TEKTL1: variants seen among roughly 807,000 people sequenced by gnomAD.
The protein encoded by TEKTL1 is tektin-like protein 1.
At chr19:15,012,934 C>CA in the TEKTL1 span, among the ~76,000 whole-genome samples, 806 of 151,980 alleles carry the variant, frequency 5.3e-3, 10 homozygotes, top group African/African-American at 0.018. Context: ...AAACTCCCCC[C>CA]CAGAATGTTA....
chr19:15,021,139 C>G, the TEKTL1 span, among the ~76,000 whole-genome samples: 1 of 152,158 alleles, frequency 6.6e-6, no homozygotes, highest in Non-Finnish European at 1.5e-5. Context: ...CCTCAGCCTC[C>G]CAAAGTGCTG....
At chr19:15,013,491 C>G in the TEKTL1 span, among the ~76,000 whole-genome samples, 2 of 152,118 alleles carry the variant, frequency 1.3e-5, no homozygotes, top group Non-Finnish European at 2.9e-5. Context: ...TCAGAGAGCC[C>G]ACTGAAAAGA....
chr19:15,011,995 C>T, the TEKTL1 span, among the ~76,000 whole-genome samples: 11 of 151,958 alleles, frequency 7.2e-5, no homozygotes, highest in Non-Finnish European at 1.5e-4. Context: ...TTGGTGCACA[C>T]CTGTAATCCC....
the TEKTL1 span, among the ~76,000 whole-genome samples, chr19:15,012,621 C>CA: frequency 6.6e-6 from 1 of 152,038 alleles, no homozygotes; most frequent in African/African-American, 2.4e-5. Context: ...CCCCAAGACC[C>CA]AAAGAGTGAG....
At chr19:15,020,408 C>T in the TEKTL1 span, 5 of 1,512,520 alleles carry the variant, frequency 3.3e-6, no homozygotes, top group Admixed American at 1.7e-5. Context: ...CTTGCATCCA[C>T]TTCCCTCAAC....
chr19:15,011,214 C>G, the TEKTL1 span: 2 of 1,477,094 alleles, frequency 1.4e-6, no homozygotes, highest in Non-Finnish European at 1.8e-6. Context: ...CACGCGCACG[C>G]GCGTGGAGCG....
the TEKTL1 span, chr19:15,022,011 C>T: frequency 2.0e-6 from 2 of 1,014,230 alleles, no homozygotes; most frequent in Admixed American, 2.2e-5. Flanking sequence ...TGATCCCCCT[C>T]TCACCCAAGT....
the TEKTL1 span, chr19:15,010,902 A>C: frequency 5.7e-6 from 9 of 1,570,180 alleles, 1 homozygote; most frequent in Middle Eastern, 1.7e-4. Context: ...GAGGCAGCTC[A>C]GGCCATGGCG....
chr19:15,023,071 G>A, the TEKTL1 span: 1 of 1,609,788 alleles, frequency 6.2e-7, no homozygotes, highest in Non-Finnish European at 8.5e-7. Flanking sequence ...TTAAGGACTG[G>A]GACCCGCGCA....
the TEKTL1 span, among the ~76,000 whole-genome samples, chr19:15,014,768 T>C: frequency 2.1e-5 from 3 of 146,314 alleles, no homozygotes; most frequent in South Asian, 6.8e-4. Flanking sequence ...TCCGTGGTGC[T>C]GAATCGGAAT....
At chr19:15,012,415 AAT>A in the TEKTL1 span, among the ~76,000 whole-genome samples, 1 of 152,154 alleles carries the variant, frequency 6.6e-6, no homozygotes, top group Non-Finnish European at 1.5e-5. Context: ...GTTTAAAAAA[AAT>A]AGTCAGGCAT....
At chr19:15,012,540 A>C in the TEKTL1 span, among the ~76,000 whole-genome samples, 1 of 147,552 alleles carries the variant, frequency 6.8e-6, no homozygotes, top group East Asian at 2.0e-4. Flanking sequence ...TCAGCCTAGG[A>C]GATAGTGAGA....
the TEKTL1 span, chr19:15,021,935 C>T: frequency 6.3e-7 from 1 of 1,597,642 alleles, no homozygotes; most frequent in Non-Finnish European, 8.6e-7. Context: ...CCCCCTCCCC[C>T]GTACCCCTCT....
chr19:15,022,891 C>T, the TEKTL1 span: 5 of 1,597,810 alleles, frequency 3.1e-6, no homozygotes, highest in Middle Eastern at 1.7e-4. Context: ...AGCTGCAGTG[C>T]CACATCACGT....
chr19:15,023,088 C>T, the TEKTL1 span: 9 of 1,608,096 alleles, frequency 5.6e-6, no homozygotes, highest in South Asian at 1.1e-5. Context: ...CGCACGCCGC[C>T]GCCGCGCAGC....
At chr19:15,016,116 G>A in the TEKTL1 span, among the ~76,000 whole-genome samples, 1 of 151,898 alleles carries the variant, frequency 6.6e-6, no homozygotes, top group Non-Finnish European at 1.5e-5. Context: ...GAGGGTCGAG[G>A]GTGTGGACGA....
chr19:15,020,655 C>T, the TEKTL1 span: 1 of 1,612,620 alleles, frequency 6.2e-7, no homozygotes, highest in Admixed American at 1.7e-5. Context: ...GCACCTATAA[C>T]CCAGGTAGGA....
At chr19:15,012,188 A>T in the TEKTL1 span, among the ~76,000 whole-genome samples, 1 of 152,012 alleles carries the variant, frequency 6.6e-6, no homozygotes, top group African/African-American at 2.4e-5. Context: ...TAAGCCCAAG[A>T]GTTTGAGGCT....
chr19:15,015,842 T>C, the TEKTL1 span, among the ~76,000 whole-genome samples: 1 of 152,160 alleles, frequency 6.6e-6, no homozygotes, highest in Non-Finnish European at 1.5e-5. Flanking sequence ...ACATGTTATG[T>C]CATATCTATT....
Sources: allele counts gnomAD v4.1 joint callset (sites outside exome capture counted in the v4.1 genomes callset), GRCh38; gene constraint gnomAD v4.1.1; transcripts MANE v1.5; gene names NCBI Gene and HGNC (gene_info 2026-07-23, HGNC 2026-07-21).